The following MYT1L variants were observed in gnomAD, a reference collection of about 807,000 sequenced individuals.
The protein encoded by MYT1L is myelin transcription factor 1 like.
Under a neutral mutation model 126.7 loss-of-function variants are expected in MYT1L, and 12 were observed. The ratio of observed to expected loss-of-function variants is 0.09; its 90% CI spans 0.06 to 0.15. The LOEUF (loss-of-function observed/expected upper bound fraction) is 0.15, where lower values mean the gene tolerates loss of function less well. MYT1L is among the 10% of genes least tolerant of loss of function. MYT1L has a pLI of 1.00. For missense variants in MYT1L, 979 were observed against 1,585.2 expected (o/e 0.62, Z 6.49); for synonymous variants, 541 against 604.2 (o/e 0.90, Z 1.53).
At chr2:1,983,581 A>G (rs2060771537) in intron 5 of MYT1L, among the ~76,000 whole-genome samples, 1 of 152,224 alleles carries the variant, frequency 6.6e-6, no homozygotes, top group South Asian at 2.1e-4. Flanking sequence ...TTGTTTCTTC[A>G]GGACTCCCCA....
At chr2:2,212,313 G>C (rs1185792994) in intron 2 of MYT1L, among the ~76,000 whole-genome samples, 1 of 151,358 alleles carries the variant, frequency 6.6e-6, no homozygotes, top group African/African-American at 2.4e-5. Context: ...AGGAGCAGGC[G>C]AAATTTTAGG....
At chr2:2,256,227 G>T (rs1170663466) in intron 2 of MYT1L, among the ~76,000 whole-genome samples, 1 of 152,214 alleles carries the variant, frequency 6.6e-6, no homozygotes, top group African/African-American at 2.4e-5. Flanking sequence ...AAACTGGTCC[G>T]CAGGCCGAGG....
intron 4 of MYT1L, among the ~76,000 whole-genome samples, chr2:2,033,108 G>A (rs2066555649): frequency 7.6e-6 from 1 of 131,140 alleles, no homozygotes; most frequent in Non-Finnish European, 1.6e-5. Flanking sequence ...TCTAGAAGGA[G>A]GGCCTTACAC....
chr2:2,309,449 T>C lies in MYT1L; in HGVS notation c.-521+21518A>G, dbSNP rs114966427. 6.6e-3 allele frequency among the ~76,000 whole-genome samples: 1,010 copies of C among 152,056 alleles called. 12 individuals carry two copies. The highest frequency in any genetic ancestry group is 0.022 in the African/African-American group (896 of 41,490). On this transcript the variant is annotated intron_variant, in intron 1 of 24. Coordinates refer to ENST00000647738, the MANE Select transcript of MYT1L (RefSeq NM_001303052.2). ...GCTTCATCTGCACTTTGGTATACTC[T>C]ACATAGACTCCACCTACACTTTACT...
chr2:2,186,827 G>A (rs1193135991), intron 2 of MYT1L, among the ~76,000 whole-genome samples: 1 of 152,180 alleles, frequency 6.6e-6, no homozygotes, highest in East Asian at 1.9e-4. Flanking sequence ...TAACATGAGT[G>A]TCTGTAGCAA....
chr2:2,283,495 T>C (rs556434174), intron 2 of MYT1L, among the ~76,000 whole-genome samples: 1 of 152,278 alleles, frequency 6.6e-6, no homozygotes, highest in East Asian at 1.9e-4. Flanking sequence ...CCATTAAAAA[T>C]TAGTTGTGTA....
chr2:2,270,274 G>C (rs1048353785), intron 2 of MYT1L, among the ~76,000 whole-genome samples: 1 of 152,360 alleles, frequency 6.6e-6, no homozygotes, highest in South Asian at 2.1e-4. Context: ...TAAGCCGTCT[G>C]GTAGTTGGTG....
At chr2:1,836,639 G>T (rs1448136121) in intron 21 of MYT1L, among the ~76,000 whole-genome samples, 1 of 147,434 alleles carries the variant, frequency 6.8e-6, no homozygotes, top group African/African-American at 2.5e-5. Context: ...AATTCCATCA[G>T]CCTGGCCCCA....
chr2:1,845,643 G>A (rs138977183), intron 19 of MYT1L, among the ~76,000 whole-genome samples: 172 of 152,266 alleles, frequency 1.1e-3, no homozygotes, highest in African/African-American at 4.0e-3. Context: ...ATCCAAGTGC[G>A]CTTTTGACAC....
intron 18 of MYT1L, among the ~76,000 whole-genome samples, chr2:1,853,933 C>G (rs1380447367): frequency 1.3e-5 from 2 of 152,086 alleles, no homozygotes; most frequent in South Asian, 4.1e-4. Flanking sequence ...AAAGTATAAT[C>G]CATTGTTTGA....
At chr2:2,247,795 C>T (rs2094562286) in intron 2 of MYT1L, among the ~76,000 whole-genome samples, 1 of 151,990 alleles carries the variant, frequency 6.6e-6, no homozygotes, top group Non-Finnish European at 1.5e-5. Flanking sequence ...TCCAATGAGT[C>T]AGTAAAGAAA....
At chr2:1,856,913 C>T (rs1330373855) in intron 18 of MYT1L, among the ~76,000 whole-genome samples, 2 of 151,616 alleles carry the variant, frequency 1.3e-5, no homozygotes, top group Non-Finnish European at 2.9e-5. Context: ...CACAGACATT[C>T]ATTGTCCAGG....
chr2:2,319,914 G>A (rs1379467865), intron 1 of MYT1L, among the ~76,000 whole-genome samples: 1 of 151,966 alleles, frequency 6.6e-6, no homozygotes, highest in Admixed American at 6.6e-5. Context: ...TTCAGTTATG[G>A]CACTAAGAGG....
chr2:2,177,227 C>T (rs1366499656), intron 2 of MYT1L, among the ~76,000 whole-genome samples: 1 of 152,184 alleles, frequency 6.6e-6, no homozygotes, highest in Non-Finnish European at 1.5e-5. Context: ...CATATGCTAG[C>T]CTGACAATTC....
intron 18 of MYT1L, among the ~76,000 whole-genome samples, chr2:1,875,120 A>C (rs1162262736): frequency 2.0e-5 from 3 of 152,208 alleles, no homozygotes; most frequent in Non-Finnish European, 4.4e-5. Context: ...AGAGGCTCAA[A>C]TCTGGAAGCC....
chr2:1,839,856 T>C (rs556681325), intron 20 of MYT1L, among the ~76,000 whole-genome samples: 1 of 152,352 alleles, frequency 6.6e-6, no homozygotes, highest in African/African-American at 2.4e-5. Context: ...GGCCTTAAAA[T>C]GCCCTTCCAG....
chr2:1,861,833 G>A (rs62114745), intron 18 of MYT1L, among the ~76,000 whole-genome samples: 35 of 56,864 alleles, frequency 6.2e-4, no homozygotes, highest in African/African-American at 1.1e-3. Context: ...GTGTAATCCT[G>A]GATCCGCCTG....
intron 4 of MYT1L, among the ~76,000 whole-genome samples, chr2:2,043,497 C>T (rs958327596): frequency 1.3e-5 from 2 of 152,278 alleles, no homozygotes; most frequent in East Asian, 3.9e-4. Flanking sequence ...AGTTCATAAA[C>T]GCGGTGCTTT....
chr2:2,079,346 A>G (rs1409609385), intron 3 of MYT1L, among the ~76,000 whole-genome samples: 1 of 152,270 alleles, frequency 6.6e-6, no homozygotes, highest in Non-Finnish European at 1.5e-5. Context: ...GAAATTAAAG[A>G]TTGAAATAAA....
Sources: allele counts gnomAD v4.1 joint callset (sites outside exome capture counted in the v4.1 genomes callset), GRCh38; gene constraint gnomAD v4.1.1; transcripts MANE v1.5; gene names NCBI Gene and HGNC (gene_info 2026-07-23, HGNC 2026-07-21).